Variants in ASIC2 observed in about 807,000 individuals in gnomAD.
ASIC2 encodes the protein acid-sensing ion channel 2.
ASIC2 carries 25 observed loss-of-function variants against 57.3 expected under a neutral mutation model. The observed-to-expected ratio is 0.44, with a 90% CI of 0.32 to 0.61. The LOEUF (loss-of-function observed/expected upper bound fraction) is 0.61, where lower values mean the gene tolerates loss of function less well. Among genes scored for constraint, ASIC2 ranks in the 20% least tolerant of loss-of-function variants. The pLI is 0.06. For synonymous variants in ASIC2, 319 were observed against 307.5 expected (o/e 1.04, Z -0.39); for missense variants, 641 against 738.1 (o/e 0.87, Z 1.52).
At chr17:33,153,879 T>A (rs1904894062) in intron 1 of ASIC2, among the ~76,000 whole-genome samples, 1 of 152,180 alleles carries the variant, frequency 6.6e-6, no homozygotes, top group Non-Finnish European at 1.5e-5. Flanking sequence ...CCAACTTGGG[T>A]TAGCTCTGAA....
At chr17:34,039,671 CA>C in intron 1 of ASIC2, 4 of 1,612,618 alleles carry the variant, frequency 2.5e-6, no homozygotes, top group Non-Finnish European at 3.4e-6. Context: ...TCATATGGTT[CA>C]GCTTTTCTTT....
chr17:33,408,293 T>C (rs911200694), intron 1 of ASIC2, among the ~76,000 whole-genome samples: 2 of 152,322 alleles, frequency 1.3e-5, no homozygotes, highest in Non-Finnish European at 2.9e-5. Flanking sequence ...GTCATGTCCA[T>C]GTGCTGCAGT....
rs749848871 is a variant in ASIC2, at chr17:33,432,996, A to T, written c.556-320929T>A. On this transcript the variant is annotated intron_variant, in intron 1 of 9. Transcript: ENST00000359872. ...AACCATTGTGGAAAACGGTGTGGTG[A>T]TTCCTCAAAGACCTAAAAACAGAAC... Among the ~76,000 whole-genome samples the T allele has an allele frequency of 3.4e-4, 52 of 152,210 alleles. 1 individual carries two copies. Among genetic ancestry groups the T allele is most frequent in the Non-Finnish European group, 2.9e-5 (2 of 68,036 alleles).
At chr17:33,955,496 G>C (rs1009145372) in intron 1 of ASIC2, 2 of 152,204 alleles carry the variant, frequency 1.3e-5, no homozygotes. Flanking sequence ...TCACCCCAGT[G>C]GTGCTGCTTC....
rs2092211091 is a variant in ASIC2 at position 33,101,273 on chromosome 17, C to T, written c.859+10644G>A. On this transcript the variant is annotated intron_variant, in intron 2 of 9. Transcript: ENST00000225823. ...TTTGTAAAGGGGGATAAGAAACGTG[C>T]TACCCGTGATAGCTGCTCAGGCCTT... is the stretch of plus-strand genomic sequence containing the variant. 2.0e-5 allele frequency among the ~76,000 whole-genome samples: 3 copies of T among 152,204 alleles called. No individual in the cohort carries two copies. The South Asian group carries it at 6.2e-4, about 31-fold the overall frequency.
intron 1 of ASIC2, among the ~76,000 whole-genome samples, chr17:33,986,255 A>C (rs1905814537): frequency 6.6e-6 from 1 of 151,510 alleles, no homozygotes; most frequent in Non-Finnish European, 1.5e-5. Context: ...TACCTGTGCT[A>C]TACTAGATAC....
chr17:33,914,802 C>G (rs1915548906), intron 1 of ASIC2, among the ~76,000 whole-genome samples: 1 of 152,154 alleles, frequency 6.6e-6, no homozygotes, highest in African/African-American at 2.4e-5. Context: ...GGAAAGGGAG[C>G]CATGGTTTTC....
intron 1 of ASIC2, among the ~76,000 whole-genome samples, chr17:33,844,974 A>C (rs1401704193): frequency 6.6e-6 from 1 of 152,268 alleles, no homozygotes; most frequent in East Asian, 1.9e-4. Context: ...CCATGTAGCC[A>C]ATGTACAGTG....
chr17:33,075,378 G>A (rs1406933879), intron 3 of ASIC2, among the ~76,000 whole-genome samples: 1 of 152,152 alleles, frequency 6.6e-6, no homozygotes, highest in Non-Finnish European at 1.5e-5. Flanking sequence ...TTTATCAGCA[G>A]TGAGAAATGG....
At chr17:33,902,836 C>T (rs772357064) in intron 1 of ASIC2, among the ~76,000 whole-genome samples, 2 of 152,170 alleles carry the variant, frequency 1.3e-5, no homozygotes, top group Non-Finnish European at 2.9e-5. Context: ...CTGTTAAGGT[C>T]CTGCCATTTC....
intron 1 of ASIC2, among the ~76,000 whole-genome samples, chr17:33,573,459 C>T (rs1045898468): frequency 6.6e-6 from 1 of 152,214 alleles, no homozygotes; most frequent in South Asian, 2.1e-4. Flanking sequence ...TAACCACCAC[C>T]TGCAACGAAT....
At chr17:33,903,161 C>G (rs1255197257) in intron 1 of ASIC2, among the ~76,000 whole-genome samples, 1 of 152,152 alleles carries the variant, frequency 6.6e-6, no homozygotes, top group Non-Finnish European at 1.5e-5. Flanking sequence ...AATCATCTCC[C>G]TTATTTCTCA....
At chr17:33,058,470 C>CAAAAAAAAAA (rs10612611) in intron 3 of ASIC2, among the ~76,000 whole-genome samples, 8 of 109,716 alleles carry the variant, frequency 7.3e-5, no homozygotes, top group African/African-American at 2.8e-4. Flanking sequence ...TCTGAGAAGT[C>CAAAAAAAAAA]AAAAAAAAAA....
At chr17:33,980,251 C>T (rs1905563067) in intron 1 of ASIC2, among the ~76,000 whole-genome samples, 1 of 152,138 alleles carries the variant, frequency 6.6e-6, no homozygotes, top group Non-Finnish European at 1.5e-5. Context: ...TTTCAGGACT[C>T]AAGAGCCCAA....
chr17:33,777,136 C>A (rs767613818), intron 1 of ASIC2, among the ~76,000 whole-genome samples: 82 of 152,252 alleles, frequency 5.4e-4, no homozygotes, highest in Non-Finnish European at 1.0e-3. Context: ...CGCTGATCCC[C>A]TTAGGGTCAC....
intron 1 of ASIC2, chr17:33,623,400 C>G (rs1905870255): frequency 6.6e-6 from 1 of 151,538 alleles, no homozygotes; most frequent in African/African-American, 2.4e-5. Context: ...GCTGGGACTA[C>G]AGATGTGCAC....
At chr17:33,453,841 G>A (rs1912355027) in intron 1 of ASIC2, among the ~76,000 whole-genome samples, 1 of 152,078 alleles carries the variant, frequency 6.6e-6, no homozygotes, top group African/African-American at 2.4e-5. Flanking sequence ...CTGTGGATTA[G>A]TTTGCATTTT....
chr17:33,796,309 C>A (rs1232241446), intron 1 of ASIC2, among the ~76,000 whole-genome samples: 2 of 152,062 alleles, frequency 1.3e-5, no homozygotes. Flanking sequence ...GGGTCAGATC[C>A]CAAATCTAGT....
At chr17:33,476,561 G>T (rs902300341) in intron 1 of ASIC2, among the ~76,000 whole-genome samples, 1 of 150,590 alleles carries the variant, frequency 6.6e-6, no homozygotes, top group Non-Finnish European at 1.5e-5. Context: ...GTGTGTGTGT[G>T]TGTGTGTGTG....
Sources: allele counts gnomAD v4.1 joint callset (sites outside exome capture counted in the v4.1 genomes callset), GRCh38; gene constraint gnomAD v4.1.1; transcripts MANE v1.5; gene names NCBI Gene and HGNC (gene_info 2026-07-23, HGNC 2026-07-21).